The following ZNF385D variants were observed in gnomAD, a reference collection of about 807,000 sequenced individuals.
ZNF385D encodes the protein zinc finger protein 659.
Under a neutral mutation model 35.8 loss-of-function variants are expected in ZNF385D, and 15 were observed. The ratio of observed to expected loss-of-function variants is 0.42; its 90% CI spans 0.28 to 0.64. The LOEUF is 0.64. Among genes scored for constraint, ZNF385D ranks in the 30% least tolerant of loss-of-function variants. The probability of loss-of-function intolerance (pLI) is 0.23; values close to 1 mark genes in which losing one functional copy is unlikely to be tolerated. For synonymous variants in ZNF385D, 212 were observed against 186.8 expected (o/e 1.13, Z -1.10); for missense variants, 474 against 494.6 (o/e 0.96, Z 0.39).
At chr3:21,638,579 A>G (rs1460221978) in intron 2 of ZNF385D, among the ~76,000 whole-genome samples, 1 of 152,142 alleles carries the variant, frequency 6.6e-6, no homozygotes, top group African/African-American at 2.4e-5. Context: ...GACATCTGTC[A>G]TAAAGTTATT....
At chr3:22,202,356 A>C (rs552663780) in intron 2 of ZNF385D, among the ~76,000 whole-genome samples, 1 of 152,206 alleles carries the variant, frequency 6.6e-6, no homozygotes, top group East Asian at 1.9e-4. Context: ...CCTCAGAAGC[A>C]AATGGAAGGA....
intron 2 of ZNF385D, among the ~76,000 whole-genome samples, chr3:22,318,390 A>G (rs1704018146): frequency 6.6e-6 from 1 of 152,196 alleles, no homozygotes; most frequent in Non-Finnish European, 1.5e-5. Flanking sequence ...GATAACCTTG[A>G]TCGATCAATA....
At chr3:21,939,098 C>T (rs371519980) in intron 3 of ZNF385D, among the ~76,000 whole-genome samples, 2 of 152,066 alleles carry the variant, frequency 1.3e-5, no homozygotes. Context: ...TTAAAAATGT[C>T]GGTAAAGACA....
chr3:21,730,673 G>A (rs564959242), intron 1 of ZNF385D, among the ~76,000 whole-genome samples: 12 of 152,312 alleles, frequency 7.9e-5, no homozygotes, highest in Non-Finnish European at 1.6e-4. Flanking sequence ...CTGCTTCCAA[G>A]TCTAACAACT....
At chr3:21,555,773 T>C (rs1434176290) in intron 3 of ZNF385D, among the ~76,000 whole-genome samples, 2 of 152,094 alleles carry the variant, frequency 1.3e-5, no homozygotes, top group East Asian at 3.9e-4. Context: ...GTTCTAGATC[T>C]TTGAGGAATC....
intron 3 of ZNF385D, among the ~76,000 whole-genome samples, chr3:21,558,685 A>G (rs2062829894): frequency 6.6e-6 from 1 of 152,072 alleles, no homozygotes; most frequent in South Asian, 2.1e-4. Flanking sequence ...CCCAGAGCTG[A>G]GTTCTGAATA....
intron 3 of ZNF385D, among the ~76,000 whole-genome samples, chr3:21,559,649 C>G (rs149860665): frequency 6.6e-6 from 1 of 152,202 alleles, no homozygotes; most frequent in East Asian, 1.9e-4. Flanking sequence ...TGGGGTTGCT[C>G]TTCTCAAGGA....
At chr3:22,269,709 C>T (rs1701075723) in intron 2 of ZNF385D, among the ~76,000 whole-genome samples, 2 of 151,810 alleles carry the variant, frequency 1.3e-5, no homozygotes, top group South Asian at 4.2e-4. Flanking sequence ...ATTGATCATT[C>T]TCTTTTTTTG....
At chr3:21,704,417 C>A (rs974925584) in intron 1 of ZNF385D, among the ~76,000 whole-genome samples, 2 of 151,950 alleles carry the variant, frequency 1.3e-5, no homozygotes, top group African/African-American at 4.8e-5. Flanking sequence ...CTGTCTTCCC[C>A]TTGAATACCA....
At chr3:21,758,604 G>A (rs978678939) in intron 3 of ZNF385D, among the ~76,000 whole-genome samples, 16 of 152,034 alleles carry the variant, frequency 1.1e-4, no homozygotes, top group African/African-American at 3.4e-4. Context: ...GGAAATTAAT[G>A]AGACCCCTAG....
At chr3:21,694,041 G>GTTTTTTTTTTTTTTTTTT (rs1559525354) in intron 1 of ZNF385D, among the ~76,000 whole-genome samples, 2 of 24,194 alleles carry the variant, frequency 8.3e-5, no homozygotes, top group Non-Finnish European at 1.6e-4. Flanking sequence ...ACTACGCCTG[G>GTTTTTTTTTTTTTTTTTT]CTTTTTTTTT....
chr3:21,506,040 A>G (rs1166371959), intron 4 of ZNF385D, among the ~76,000 whole-genome samples: 2 of 152,208 alleles, frequency 1.3e-5, no homozygotes, highest in Non-Finnish European at 2.9e-5. Flanking sequence ...TATAAGAAAT[A>G]AAGCTCTTCT....
intron 3 of ZNF385D, among the ~76,000 whole-genome samples, chr3:22,109,099 C>T (rs73822859): frequency 0.016 from 2,498 of 152,176 alleles, 76 homozygotes; most frequent in African/African-American, 0.056. Context: ...TCTATAATAA[C>T]CCCTCTTCAC....
At chr3:22,110,635 T>C (rs1328032257) in intron 3 of ZNF385D, among the ~76,000 whole-genome samples, 1 of 151,210 alleles carries the variant, frequency 6.6e-6, no homozygotes, top group Non-Finnish European at 1.5e-5. Flanking sequence ...CCAGGGCCTG[T>C]TGTGGGGTGG....
intron 3 of ZNF385D, among the ~76,000 whole-genome samples, chr3:22,015,896 C>CG: frequency 6.6e-6 from 1 of 152,150 alleles, no homozygotes; most frequent in South Asian, 2.1e-4. Context: ...ACTGTTGTGC[C>CG]CACGTTCCTG....
At chr3:21,547,332 T>TA (rs1234883973) in intron 3 of ZNF385D, among the ~76,000 whole-genome samples, 1 of 152,094 alleles carries the variant, frequency 6.6e-6, no homozygotes, top group East Asian at 1.9e-4. Flanking sequence ...TGCAAACTGG[T>TA]AAAAGGCCTT....
In ZNF385D at chr3:22,257,891, A is replaced by T. The variant is rs57674394; in HGVS notation, c.107-88856T>A. On this transcript the variant is annotated intron_variant, in intron 2 of 5. Transcript: ENST00000494108. ...CAAGTTATTTTCTAGTGATATTTTTAAAAAATTAGGTTACCAATGCTACAA... is the reference window on the plus strand; with the variant it reads ...CAAGTTATTTTCTAGTGATATTTTTTAAAAATTAGGTTACCAATGCTACAA... Among the ~76,000 whole-genome samples, 978 of 151,962 alleles carry T rather than the reference A, an allele frequency of 6.4e-3. 19 individuals carry two copies. Among genetic ancestry groups the T allele is most frequent in the African/African-American group, 0.021 (881 of 41,522 alleles).
chr3:22,325,696 C>T (rs574219743), intron 2 of ZNF385D, among the ~76,000 whole-genome samples: 1 of 152,116 alleles, frequency 6.6e-6, no homozygotes, highest in African/African-American at 2.4e-5. Flanking sequence ...GGGCGGATGC[C>T]ACAGTGAGCC....
chr3:21,496,960 G>C (rs751902936), intron 4 of ZNF385D, among the ~76,000 whole-genome samples: 2 of 152,066 alleles, frequency 1.3e-5, no homozygotes, highest in Non-Finnish European at 2.9e-5. Context: ...AATGGGCAAA[G>C]CTGGAAGAAT....
Sources: gnomAD v4.1 joint callset for allele counts (sites outside exome capture counted in the v4.1 genomes callset) on GRCh38, gnomAD v4.1.1 for gene constraint, MANE v1.5 for transcripts, NCBI Gene and HGNC (gene_info 2026-07-23, HGNC 2026-07-21) for gene names.